GALNT17: variants seen among roughly 807,000 people sequenced by gnomAD.
GALNT17 encodes polypeptide N-acetylgalactosaminyltransferase 17.
In GALNT17, 29 loss-of-function variants were observed where a neutral mutation model predicts 63.7. The observed-to-expected ratio is 0.46, with a 90% CI of 0.34 to 0.62. The LOEUF (loss-of-function observed/expected upper bound fraction) is 0.62, where lower values mean the gene tolerates loss of function less well. Among genes scored for constraint, GALNT17 ranks in the 20% least tolerant of loss-of-function variants. The pLI is 0.01. For synonymous variants in GALNT17, 305 were observed against 318.3 expected, an observed-to-expected ratio of 0.96 and a Z score of 0.45; for missense variants, 603 against 799.6, an observed-to-expected ratio of 0.75 and a Z score of 2.97.
chr7:71,551,268 G>T (rs1789072134), intron 5 of GALNT17, among the ~76,000 whole-genome samples: 1 of 151,970 alleles, frequency 6.6e-6, no homozygotes, highest in Non-Finnish European at 1.5e-5. Context: ...CTTAATTTTT[G>T]AACTTTTTGA....
At chr7:71,494,259 C>T (rs564600931) in intron 5 of GALNT17, among the ~76,000 whole-genome samples, 1 of 152,254 alleles carries the variant, frequency 6.6e-6, no homozygotes, top group South Asian at 2.1e-4. Context: ...GGGGAAATCA[C>T]CCCATGATCC....
chr7:71,564,995 G>A (rs767015024), intron 5 of GALNT17, among the ~76,000 whole-genome samples: 1 of 152,144 alleles, frequency 6.6e-6, no homozygotes, highest in Non-Finnish European at 1.5e-5. Context: ...GGCCGGGCAC[G>A]GTGGCTCATG....
chr7:71,552,997 T>C (rs1789106072), intron 5 of GALNT17, among the ~76,000 whole-genome samples: 1 of 152,146 alleles, frequency 6.6e-6, no homozygotes, highest in South Asian at 2.1e-4. Flanking sequence ...ATAATTTTCA[T>C]TTTGTTCATC....
chr7:71,506,573 A>G (rs1052148866), intron 5 of GALNT17, among the ~76,000 whole-genome samples: 1 of 152,146 alleles, frequency 6.6e-6, no homozygotes, highest in Non-Finnish European at 1.5e-5. Context: ...GGACTTAGGA[A>G]TATTAATTTT....
chr7:71,222,015 C>T (rs1200230758), intron 1 of GALNT17, among the ~76,000 whole-genome samples: 1 of 148,734 alleles, frequency 6.7e-6, no homozygotes, highest in Non-Finnish European at 1.5e-5. Context: ...TCAAGCGACT[C>T]TGCTGCCTCA....
At chr7:71,171,415 G>A (rs759641788) in intron 1 of GALNT17, among the ~76,000 whole-genome samples, 1 of 152,158 alleles carries the variant, frequency 6.6e-6, no homozygotes, top group Non-Finnish European at 1.5e-5. Context: ...GCGGGAAGAT[G>A]GCTTGAGCCT....
chr7:71,438,939 C>T (rs1223159622), intron 5 of GALNT17, among the ~76,000 whole-genome samples: 1 of 149,242 alleles, frequency 6.7e-6, no homozygotes, highest in Non-Finnish European at 1.5e-5. Context: ...GGCTGGAGTG[C>T]AGTGATGTGA....
chr7:71,604,150 T>C (rs923525324), intron 6 of GALNT17, among the ~76,000 whole-genome samples: 12 of 152,150 alleles, frequency 7.9e-5, no homozygotes, highest in Middle Eastern at 6.3e-3. Flanking sequence ...GCTAAGTGCA[T>C]ACAATGGATA....
chr7:71,530,613 G>A (rs544667894), intron 5 of GALNT17, among the ~76,000 whole-genome samples: 5 of 151,092 alleles, frequency 3.3e-5, no homozygotes, highest in South Asian at 2.1e-4. Context: ...TCGCTCTGTC[G>A]CCCAGGCTGG....
chr7:71,532,744 C>G (rs1374701370), intron 5 of GALNT17, among the ~76,000 whole-genome samples: 1 of 152,190 alleles, frequency 6.6e-6, no homozygotes, highest in African/African-American at 2.4e-5. Context: ...CTCCCATCTG[C>G]AGACCTCCAA....
At chr7:71,347,264 C>G (rs1488595040) in intron 2 of GALNT17, among the ~76,000 whole-genome samples, 1 of 152,190 alleles carries the variant, frequency 6.6e-6, no homozygotes, top group Non-Finnish European at 1.5e-5. Flanking sequence ...AGAAATCTAA[C>G]TTCTAATCTC....
chr7:71,399,107 G>A (rs1283490558), intron 3 of GALNT17, among the ~76,000 whole-genome samples: 4 of 152,106 alleles, frequency 2.6e-5, no homozygotes, highest in African/African-American at 7.2e-5. Context: ...GGTGGTGCAC[G>A]CCTGTAATCC....
intron 6 of GALNT17, among the ~76,000 whole-genome samples, chr7:71,621,529 GGATGGATTGATGGATTGATGGATA>G (rs1349465811): frequency 2.2e-4 from 22 of 101,022 alleles, no homozygotes; most frequent in East Asian, 8.2e-4. Flanking sequence ...ATGGATGGAT[GGATGGATTGATGGATTGATGGATA>G]GATGGATGGA....
At chr7:71,687,708 GA>G (rs1297285112) in intron 9 of GALNT17, among the ~76,000 whole-genome samples, 8 of 152,240 alleles carry the variant, frequency 5.3e-5, no homozygotes, top group South Asian at 4.2e-4. Flanking sequence ...TTGGGGGACT[GA>G]AGGCAGATAC....
intron 1 of GALNT17, among the ~76,000 whole-genome samples, chr7:71,175,826 A>G (rs1788627378): frequency 6.6e-6 from 1 of 152,148 alleles, no homozygotes; most frequent in Admixed American, 6.5e-5. Flanking sequence ...GCTTGAGTCC[A>G]GGGGTTCAAG....
chr7:71,625,405 C>A (rs1055923376), intron 6 of GALNT17, among the ~76,000 whole-genome samples: 1 of 152,168 alleles, frequency 6.6e-6, no homozygotes, highest in Non-Finnish European at 1.5e-5. Flanking sequence ...CTTGGCCTCC[C>A]AAAGTGCTGG....
intron 1 of GALNT17, among the ~76,000 whole-genome samples, chr7:71,147,665 T>C (rs1419244005): frequency 6.6e-6 from 1 of 151,916 alleles, no homozygotes; most frequent in Non-Finnish European, 1.5e-5. Flanking sequence ...GGAGTCTCAC[T>C]CTGTCGTCCA....
intron 1 of GALNT17, among the ~76,000 whole-genome samples, chr7:71,331,723 A>AT (rs1359999614): frequency 6.6e-6 from 1 of 151,344 alleles, no homozygotes; most frequent in Non-Finnish European, 1.5e-5. Flanking sequence ...TTAAAAAAAA[A>AT]GTTCCTACGT....
At chr7:71,166,851 C>A (rs1183543421) in intron 1 of GALNT17, among the ~76,000 whole-genome samples, 1 of 151,862 alleles carries the variant, frequency 6.6e-6, no homozygotes, top group Non-Finnish European at 1.5e-5. Flanking sequence ...CACCTAGATA[C>A]CTAGGAGTGG....
Sources: allele counts gnomAD v4.1 joint callset (sites outside exome capture counted in the v4.1 genomes callset), GRCh38; gene constraint gnomAD v4.1.1; transcripts MANE v1.5; gene names NCBI Gene and HGNC (gene_info 2026-07-23, HGNC 2026-07-21).